Variants in PDE7A observed in about 807,000 individuals in gnomAD.
PDE7A encodes phosphodiesterase 7A.
In PDE7A, 39 loss-of-function variants were observed where a neutral mutation model predicts 64.3. The observed-to-expected ratio is 0.61, with a 90% CI of 0.47 to 0.79. The LOEUF (loss-of-function observed/expected upper bound fraction) is 0.79. Ranked by LOEUF, PDE7A falls within the 30% of genes least tolerant of loss-of-function variation. The probability of loss-of-function intolerance (pLI) is 0.00; values close to 1 mark genes in which losing one functional copy is unlikely to be tolerated. For synonymous variants in PDE7A, 203 were observed against 206.8 expected (o/e 0.98, Z 0.16); for missense variants, 470 against 582.8 (o/e 0.81, Z 1.99).
At chr8:65,728,894 T>C (rs1270157587) in intron 7 of PDE7A, among the ~76,000 whole-genome samples, 4 of 152,086 alleles carry the variant, frequency 2.6e-5, no homozygotes, top group African/African-American at 7.2e-5. Context: ...AATAGGAACA[T>C]GACAATAAGC....
chr8:65,724,431 G>T, intron 10 of PDE7A, 80 bp from the exon 11 acceptor site: 1 of 828,670 alleles, frequency 1.2e-6, no homozygotes, highest in Admixed American at 2.2e-5. Context: ...GCAAGGACTG[G>T]ATTAACCATA....
chr8:65,786,477 G>A (rs1368316844), intron 1 of PDE7A, among the ~76,000 whole-genome samples: 2 of 151,880 alleles, frequency 1.3e-5, no homozygotes, highest in Non-Finnish European at 2.9e-5. Context: ...AACTCATTTT[G>A]GAAAAAACAC....
intron 6 of PDE7A, among the ~76,000 whole-genome samples, chr8:65,738,439 G>A (rs146154964): frequency 0.014 from 2,136 of 152,234 alleles, 23 homozygotes; most frequent in Non-Finnish European, 0.022. Flanking sequence ...CCTAAAGGAC[G>A]GACAAAGACT....
At chr8:65,721,978 CG>C (rs2129064362) in intron 12 of PDE7A, 1 of 152,068 alleles carries the variant, frequency 6.6e-6, no homozygotes, top group East Asian at 1.9e-4. Flanking sequence ...TTAGTAGAAA[CG>C]TGAGTTTCAC....
intron 3 of PDE7A, among the ~76,000 whole-genome samples, chr8:65,773,529 C>A (rs1178390263): frequency 6.6e-6 from 1 of 152,134 alleles, no homozygotes; most frequent in Non-Finnish European, 1.5e-5. Flanking sequence ...GTATAGATAC[C>A]AAAACCTCAA....
chr8:65,757,028 C>G (rs536730696), intron 3 of PDE7A, among the ~76,000 whole-genome samples: 1 of 152,284 alleles, frequency 6.6e-6, no homozygotes, highest in African/African-American at 2.4e-5. Flanking sequence ...TCTCCAGGAA[C>G]CTGCAGGTGT....
intron 3 of PDE7A, among the ~76,000 whole-genome samples, chr8:65,775,309 T>G (rs1809228458): frequency 6.6e-6 from 1 of 152,198 alleles, no homozygotes; most frequent in Non-Finnish European, 1.5e-5. Flanking sequence ...CTACTTTATC[T>G]TTTCTTAGTG....
At chr8:65,768,137 A>G (rs560723944) in intron 3 of PDE7A, among the ~76,000 whole-genome samples, 14 of 152,330 alleles carry the variant, frequency 9.2e-5, no homozygotes, top group Admixed American at 8.5e-4. Context: ...TTCTGTGTTG[A>G]TGACTGCCAT....
chr8:65,718,526 G>A lies in PDE7A; in HGVS notation c.*764C>T, dbSNP rs1806237032. The A allele has an allele frequency of 6.6e-6, 1 of 152,360 alleles. No individual in the cohort carries two copies. The allele number at this position is 152,360 out of a possible 1,614,324, so 9.4% of individuals were successfully genotyped here. On this transcript the variant is annotated 3_prime_UTR_variant, in exon 13 of 13. Transcript: ENST00000401827. Reference sequence around the variant, plus strand: ...TCACTGCAGAATCATAATACAGCTAGGACATTGGTGTTCTTCCCCTCCCAC... The same window carrying A: ...TCACTGCAGAATCATAATACAGCTAAGACATTGGTGTTCTTCCCCTCCCAC...
rs576079727 is a variant in PDE7A, at chr8:65,821,581, T to A, written c.138+19790A>T. Among the ~76,000 whole-genome samples the A allele has an allele frequency of 5.9e-5, 9 of 152,310 alleles. No individual in the cohort carries two copies. In the East Asian group the frequency reaches 1.7e-3, roughly 29 times the overall value. On this transcript the variant is annotated intron_variant, in intron 1 of 12. Coordinates refer to ENST00000401827, the MANE Select transcript of PDE7A (RefSeq NM_001242318.3). ...CCCTGTAATATATTGCTACTGCAAA[T>A]CTATAGAAGTGGTACCCCGACTCCC...
intron 1 of PDE7A, among the ~76,000 whole-genome samples, chr8:65,819,723 T>C (rs1810494552): frequency 6.6e-6 from 1 of 152,246 alleles, no homozygotes; most frequent in South Asian, 2.1e-4. Flanking sequence ...ATTAATTTTA[T>C]TCAAATTGTG....
chr8:65,780,228 T>C (rs937775859), intron 2 of PDE7A, among the ~76,000 whole-genome samples: 1 of 152,100 alleles, frequency 6.6e-6, no homozygotes, highest in African/African-American at 2.4e-5. Flanking sequence ...AGAAGCAACA[T>C]ATTTATTAAG....
chr8:65,824,959 A>G (rs1205141587), intron 1 of PDE7A, among the ~76,000 whole-genome samples: 1 of 152,194 alleles, frequency 6.6e-6, no homozygotes, highest in African/African-American at 2.4e-5. Flanking sequence ...CAAGTTTAAT[A>G]TTTAAAAAAT....
At chr8:65,787,780 A>AGG (rs143470274) in intron 1 of PDE7A, among the ~76,000 whole-genome samples, 2 of 149,362 alleles carry the variant, frequency 1.3e-5, no homozygotes, top group Admixed American at 6.6e-5. Context: ...TCATCTCTAC[A>AGG]GGGGGGGGAA....
chr8:65,720,242 A>G (rs1228011370), intron 12 of PDE7A, among the ~76,000 whole-genome samples: 2 of 152,256 alleles, frequency 1.3e-5, no homozygotes, highest in Non-Finnish European at 2.9e-5. Context: ...ACTAAGTAGT[A>G]TCTTAAACAA....
chr8:65,745,885 TACTC>T (rs1379103783), intron 4 of PDE7A, among the ~76,000 whole-genome samples: 2 of 152,194 alleles, frequency 1.3e-5, no homozygotes, highest in Non-Finnish European at 2.9e-5. Flanking sequence ...TGTTATAAGT[TACTC>T]ACTCTTTTAT....
chr8:65,753,817 TTTATCA>T (rs1235026587), intron 3 of PDE7A, among the ~76,000 whole-genome samples: 13 of 152,202 alleles, frequency 8.5e-5, no homozygotes, highest in Non-Finnish European at 1.9e-4. Context: ...TACGTATGTG[TTTATCA>T]TTATTATATC....
rs1808627790 is a variant in PDE7A, at chr8:65,763,732, G to A, written c.284-15929C>T. Reference sequence around the variant, plus strand: ...CTTAATTCCCTTATTAAAGTAAGCTGAGAAAGAAAGATGAAAAGCAAAGTA... The same window carrying A: ...CTTAATTCCCTTATTAAAGTAAGCTAAGAAAGAAAGATGAAAAGCAAAGTA... On this transcript the variant is annotated intron_variant, in intron 3 of 12. Coordinates refer to ENST00000401827, the MANE Select transcript of PDE7A (RefSeq NM_001242318.3). Among the ~76,000 whole-genome samples, 2 of 152,254 alleles carry A rather than the reference G, an allele frequency of 1.3e-5. 1 individual carries two copies. The highest frequency in any genetic ancestry group is 4.2e-4 in the South Asian group (2 of 4,818).
chr8:65,777,756 CTG>C (rs1208260898), intron 3 of PDE7A, among the ~76,000 whole-genome samples: 1 of 152,142 alleles, frequency 6.6e-6, no homozygotes, highest in African/African-American at 2.4e-5. Context: ...ATGAAACCAT[CTG>C]TTTCTGGCAA....
Sources: allele counts gnomAD v4.1 joint callset (sites outside exome capture counted in the v4.1 genomes callset), GRCh38; gene constraint gnomAD v4.1.1; transcripts MANE v1.5; gene names NCBI Gene and HGNC (gene_info 2026-07-23, HGNC 2026-07-21).